Variants in VTCN1 observed in about 807,000 individuals in gnomAD.
The protein encoded by VTCN1 is V-set domain-containing T-cell activation inhibitor 1.
Under a neutral mutation model 26.5 loss-of-function variants are expected in VTCN1, and 26 were observed. The observed-to-expected ratio is 0.98, with a 90% CI of 0.72 to 1.36. VTCN1 has a LOEUF of 1.36. Ranked by LOEUF, VTCN1 falls within the 40% of genes most tolerant of loss-of-function variation. VTCN1 has a pLI of 0.00. For missense variants in VTCN1, 298 were observed against 337.7 expected, an observed-to-expected ratio of 0.88 and a Z score of 0.92; for synonymous variants, 116 against 130.7, an observed-to-expected ratio of 0.89 and a Z score of 0.77.
rs1355672216 is a variant in VTCN1, at chr1:117,155,065, G to A, written c.445+1509C>T. On this transcript the variant is annotated intron_variant, in intron 3 of 5. Transcript: ENST00000369458. The surrounding 1 kb of genome is among the most constrained non-coding windows in gnomAD (Gnocchi z 4.8). ...CTGGTTAGGTATTTTGAGGAGTACC[G>A]GTTAGGTATTTTCCATGACCTTGAC... is the stretch of plus-strand genomic sequence containing the variant. Among the ~76,000 whole-genome samples, 2 of 152,208 alleles carry A rather than the reference G, an allele frequency of 1.3e-5. No individual in the cohort carries two copies. The highest frequency in any genetic ancestry group is 2.1e-4 in the South Asian group (1 of 4,824).
chr1:117,198,219 G>T (rs1429404302), intron 1 of VTCN1, among the ~76,000 whole-genome samples: 2 of 152,142 alleles, frequency 1.3e-5, no homozygotes, highest in Admixed American at 6.5e-5. Context: ...ACAACTGCTA[G>T]ATAACCAGAT....
In VTCN1 at chr1:117,175,413, C is replaced by T. The variant is rs531626509; in HGVS notation, c.33-5242G>A. Among the ~76,000 whole-genome samples, 20 of 152,324 alleles carry T rather than the reference C, an allele frequency of 1.3e-4. No homozygotes were observed. The highest frequency in any genetic ancestry group is 4.6e-4 in the African/African-American group (19 of 41,566). ...GTGAGCCGGCGTGGTCGCTGTGAAG[C>T]GGATGTGCAGCCTAGGACACGCAAG... On this transcript the variant is annotated intron_variant, in intron 1 of 5. Transcript: ENST00000369458. The surrounding 1 kb of genome is among the most constrained non-coding windows in gnomAD (Gnocchi z 4.2).
intron 1 of VTCN1, among the ~76,000 whole-genome samples, chr1:117,172,696 T>G (rs549905695): frequency 6.6e-6 from 1 of 152,240 alleles, no homozygotes; most frequent in South Asian, 2.1e-4. Context: ...GAGTGTGCCT[T>G]TACTTACTAA....
chr1:117,181,077 T>C (rs762928398), intron 1 of VTCN1, among the ~76,000 whole-genome samples: 3 of 152,148 alleles, frequency 2.0e-5, no homozygotes, highest in Non-Finnish European at 2.9e-5. Context: ...AGAAACAAAC[T>C]CTTCCTTACA....
At chr1:117,154,231 G>T (rs1651950571) in intron 3 of VTCN1, among the ~76,000 whole-genome samples, 1 of 152,116 alleles carries the variant, frequency 6.6e-6, no homozygotes, top group Non-Finnish European at 1.5e-5. Flanking sequence ...GATGATGTGG[G>T]AAACTAAGTT....
intron 1 of VTCN1, among the ~76,000 whole-genome samples, chr1:117,209,371 G>A (rs1207073743): frequency 1.3e-5 from 2 of 152,298 alleles, no homozygotes; most frequent in East Asian, 1.9e-4. Flanking sequence ...ATCAAGGCTG[G>A]AGGAATGGTG....
chr1:117,148,942 C>T (rs761759761), intron 4 of VTCN1, among the ~76,000 whole-genome samples: 12 of 152,276 alleles, frequency 7.9e-5, no homozygotes, highest in South Asian at 2.1e-4. Context: ...AGAATGTACA[C>T]GGGCTTCCTG....
intron 1 of VTCN1, among the ~76,000 whole-genome samples, chr1:117,188,280 C>T (rs1045324818): frequency 3.9e-5 from 6 of 152,158 alleles, no homozygotes; most frequent in Middle Eastern, 3.4e-3. Context: ...CAGAGAGCTG[C>T]GAGAGTCACC....
At chr1:117,182,201 C>T (rs1647706553) in intron 1 of VTCN1, among the ~76,000 whole-genome samples, 1 of 152,218 alleles carries the variant, frequency 6.6e-6, no homozygotes, top group Admixed American at 6.5e-5. Context: ...CATATTTGTA[C>T]ACTCCAAGTC....
chr1:117,150,443 T>C (rs1296314870), intron 4 of VTCN1, among the ~76,000 whole-genome samples: 1 of 152,228 alleles, frequency 6.6e-6, no homozygotes, highest in Non-Finnish European at 1.5e-5. Context: ...CTGTCTTTGG[T>C]TCCACAACAT....
chr1:117,180,255 T>G (rs970854291), intron 1 of VTCN1, among the ~76,000 whole-genome samples: 1 of 152,090 alleles, frequency 6.6e-6, no homozygotes, highest in African/African-American at 2.4e-5. Context: ...GCAAAGCCAT[T>G]CTATATTATT....
chr1:117,202,276 C>T lies in VTCN1; in HGVS notation c.32+8548G>A, dbSNP rs979610221. Among the ~76,000 whole-genome samples, 7 of 152,242 alleles carry T rather than the reference C, an allele frequency of 4.6e-5. 1 individual carries two copies. The East Asian group carries it at 9.7e-4, about 21-fold the overall frequency. ...ACCTGACTACAGAGCTTGGTGGCTTCGAGTTGGGGCAGCAGAGGAGAAAAG... is the reference window on the plus strand; with the variant it reads ...ACCTGACTACAGAGCTTGGTGGCTTTGAGTTGGGGCAGCAGAGGAGAAAAG... On this transcript the variant is annotated intron_variant, in intron 1 of 5. Coordinates refer to ENST00000369458, the MANE Select transcript of VTCN1 (RefSeq NM_024626.4).
chr1:117,207,940 C>T lies in VTCN1; in HGVS notation c.32+2884G>A, dbSNP rs565123984. On this transcript the variant is annotated intron_variant, in intron 1 of 5. Coordinates refer to ENST00000369458, the MANE Select transcript of VTCN1 (RefSeq NM_024626.4). ...GTCATCCTGTATACTCTGACCACAA[C>T]TGTTTCCCAACTCTTCTTCTGGCCT... Among the ~76,000 whole-genome samples the T allele has an allele frequency of 6.2e-4, 95 of 152,354 alleles. 1 individual carries two copies. The highest frequency in any genetic ancestry group is 1.1e-3 in the Non-Finnish European group (78 of 68,034).
At chr1:117,197,083 C>G (rs1648549186) in intron 1 of VTCN1, among the ~76,000 whole-genome samples, 1 of 152,140 alleles carries the variant, frequency 6.6e-6, no homozygotes, top group Non-Finnish European at 1.5e-5. Context: ...TTGCAGTTCA[C>G]CTATTTTTCT....
At chr1:117,208,312 T>C (rs887027740) in intron 1 of VTCN1, among the ~76,000 whole-genome samples, 2 of 152,176 alleles carry the variant, frequency 1.3e-5, no homozygotes, top group African/African-American at 4.8e-5. Flanking sequence ...TCCACCCTTC[T>C]TCACCTGGGT....
At chr1:117,171,017 T>C (rs1234277392) in intron 1 of VTCN1, among the ~76,000 whole-genome samples, 1 of 107,884 alleles carries the variant, frequency 9.3e-6, no homozygotes, top group Admixed American at 1.1e-4. Flanking sequence ...CCAGCCCCCC[T>C]GACAGGCCCC....
chr1:117,160,997 T>TGGAA (rs1652339261), intron 2 of VTCN1, among the ~76,000 whole-genome samples: 2 of 152,186 alleles, frequency 1.3e-5, no homozygotes, highest in Admixed American at 6.6e-5. Flanking sequence ...TAGCCTGGTT[T>TGGAA]GGAAGGATGT....
At chr1:117,194,907 T>C (rs1648432736) in intron 1 of VTCN1, among the ~76,000 whole-genome samples, 1 of 152,084 alleles carries the variant, frequency 6.6e-6, no homozygotes, top group South Asian at 2.1e-4. Context: ...AGGGTACAAA[T>C]TTTCAGGTAT....
chr1:117,205,167 G>T lies in VTCN1; in HGVS notation c.32+5657C>A, dbSNP rs1254384923. On this transcript the variant is annotated intron_variant, in intron 1 of 5. Transcript: ENST00000369458. ...TTTTATATATATATATAGAGAGAGAGAGAGAGAGAGGGGGGTCTCGCTCTA... is the reference window on the plus strand; with the variant it reads ...TTTTATATATATATATAGAGAGAGATAGAGAGAGAGGGGGGTCTCGCTCTA... Among the ~76,000 whole-genome samples, 76 of 139,432 alleles carry T rather than the reference G, an allele frequency of 5.5e-4. 1 individual carries two copies. The highest frequency in any genetic ancestry group is 3.8e-3 in the Middle Eastern group (1 of 262). 91.5% of individuals were successfully genotyped at this position (139,432 alleles called of 152,430 possible).
Sources: gnomAD v4.1 joint callset for allele counts (sites outside exome capture counted in the v4.1 genomes callset) on GRCh38, gnomAD v4.1.1 for gene constraint, Gnocchi (gnomAD v3.1) non-coding constraint, MANE v1.5 for transcripts, NCBI Gene and HGNC (gene_info 2026-07-23, HGNC 2026-07-21) for gene names.